PHACTR1: variants seen among roughly 807,000 people sequenced by gnomAD.
The protein encoded by PHACTR1 is RPEL repeat containing 1.
Under a neutral mutation model 69.2 loss-of-function variants are expected in PHACTR1, and 16 were observed. The ratio of observed to expected loss-of-function variants is 0.23; its 90% CI spans 0.16 to 0.35. PHACTR1 has a LOEUF of 0.35. Ranked by LOEUF, PHACTR1 falls within the 10% of genes least tolerant of loss-of-function variation. PHACTR1 has a pLI of 1.00. For synonymous variants in PHACTR1, 312 were observed against 284.5 expected, an observed-to-expected ratio of 1.10 and a Z score of -0.97; for missense variants, 510 against 734.7, an observed-to-expected ratio of 0.69 and a Z score of 3.54.
At position 13,077,863 on chromosome 6, in the gene PHACTR1, G is replaced by A. The variant is rs547904142; in HGVS notation, c.415+24334G>A. On this transcript the variant is annotated intron_variant, in intron 5 of 14. Transcript: ENST00000332995. ...AACAAGACTTGCGAGACAAAATATC[G>A]GGGTGAGGGAGAAGGAGAAATCAAA... is the stretch of plus-strand genomic sequence containing the variant. 1.5e-4 allele frequency among the ~76,000 whole-genome samples: 23 copies of A among 152,236 alleles called. 1 individual carries two copies. In the South Asian group the frequency reaches 4.6e-3, roughly 30 times the overall value.
Position 13,246,137 on chromosome 6 carries a change from A to G in PHACTR1, c.1391+15944A>G, listed in dbSNP as rs1487401380. Among the ~76,000 whole-genome samples the G allele has an allele frequency of 6.6e-6, 1 of 152,242 alleles. No homozygotes were observed. Among genetic ancestry groups the G allele is most frequent in the Non-Finnish European group, 1.5e-5 (1 of 68,038 alleles). On this transcript the variant is annotated intron_variant, in intron 10 of 14. Transcript: ENST00000332995. The surrounding 1 kb of genome is among the most constrained non-coding windows in gnomAD (Gnocchi z 4.2). ...TATCTCTCAAAAAAGAGAGAGAAAT[A>G]GATCATGTTTTACTGGAATAAACAG...
At chr6:12,935,005 C>A (rs1273837292) in intron 4 of PHACTR1, among the ~76,000 whole-genome samples, 1 of 152,176 alleles carries the variant, frequency 6.6e-6, no homozygotes, top group African/African-American at 2.4e-5. Context: ...CTCTGTGCCT[C>A]ACTTTCTCTA....
intron 4 of PHACTR1, among the ~76,000 whole-genome samples, chr6:12,801,773 T>C (rs903772911): frequency 2.0e-4 from 30 of 152,218 alleles, no homozygotes; most frequent in African/African-American, 7.2e-4. Context: ...AATTATTTAA[T>C]ATAGCTTTAT....
chr6:12,797,906 A>G (rs935850815), intron 4 of PHACTR1, among the ~76,000 whole-genome samples: 1 of 152,128 alleles, frequency 6.6e-6, no homozygotes, highest in Non-Finnish European at 1.5e-5. Context: ...TCAAACCACT[A>G]TATTGAAAGT....
intron 4 of PHACTR1, among the ~76,000 whole-genome samples, chr6:12,892,601 A>G (rs1784270940): frequency 6.6e-6 from 1 of 152,236 alleles, no homozygotes; most frequent in African/African-American, 2.4e-5. Context: ...AACTTGAGTT[A>G]ATGGTCAAGC....
At chr6:13,115,329 T>G (rs1042063313) in intron 5 of PHACTR1, among the ~76,000 whole-genome samples, 2 of 152,122 alleles carry the variant, frequency 1.3e-5, no homozygotes, top group African/African-American at 4.8e-5. Flanking sequence ...CACAGTACAT[T>G]CAGGAAGAAC....
rs148358804 is a variant in PHACTR1, at chr6:13,082,249, A to G, written c.415+28720A>G. ...TTCCTTCTCCTCCACTGAGTCACCA[A>G]TGGCTCCAATGGGTATCACTTTGCT... is the stretch of plus-strand genomic sequence containing the variant. On this transcript the variant is annotated intron_variant, in intron 5 of 14. Transcript: ENST00000332995. Among the ~76,000 whole-genome samples the G allele has an allele frequency of 7.8e-4, 119 of 152,152 alleles. 1 individual carries two copies. The East Asian group carries it at 0.019, about 24-fold the overall frequency.
intron 4 of PHACTR1, among the ~76,000 whole-genome samples, chr6:13,012,442 T>G (rs1160629471): frequency 6.6e-6 from 1 of 152,226 alleles, no homozygotes; most frequent in Non-Finnish European, 1.5e-5. Context: ...GTAGTGACAG[T>G]GCATTCTTTA....
At position 12,908,504 on chromosome 6, in the gene PHACTR1, A is replaced by G. The variant is rs114428466; in HGVS notation, c.251-144861A>G. Among the ~76,000 whole-genome samples the G allele has an allele frequency of 3.1e-3, 469 of 152,036 alleles. 4 individuals are homozygous for G. The highest frequency in any genetic ancestry group is 0.011 in the African/African-American group (451 of 41,426). ...AAATGTGCTAAGTGCAGTTGCAGAG[A>G]TTTAAAAAAAAAAAAGGGTGCTGTG... On this transcript the variant is annotated intron_variant, in intron 4 of 14. Coordinates refer to ENST00000332995, the MANE Select transcript of PHACTR1 (RefSeq NM_030948.6).
intron 3 of PHACTR1, among the ~76,000 whole-genome samples, chr6:12,747,924 A>G (rs1220803317): frequency 6.6e-6 from 1 of 152,166 alleles, no homozygotes; most frequent in Non-Finnish European, 1.5e-5. Flanking sequence ...AACACAGAGA[A>G]CTGGCCAACA....
intron 4 of PHACTR1, among the ~76,000 whole-genome samples, chr6:12,850,396 A>G (rs1582084018): frequency 6.6e-6 from 1 of 152,368 alleles, no homozygotes; most frequent in Admixed American, 6.5e-5. Flanking sequence ...AGCCACTGCT[A>G]GTTAATCAAC....
intron 12 of PHACTR1, among the ~76,000 whole-genome samples, chr6:13,281,890 G>T (rs903529105): frequency 2.0e-5 from 3 of 152,196 alleles, no homozygotes; most frequent in Non-Finnish European, 4.4e-5. Flanking sequence ...AGGCCTACAT[G>T]CAGTCTAGGC....
In PHACTR1 at chr6:13,168,737, G is replaced by A. The variant is rs528770635; in HGVS notation, c.496+8453G>A. On this transcript the variant is annotated intron_variant, in intron 6 of 14. Transcript: ENST00000332995. Reference sequence around the variant, plus strand: ...AGAATCATGCTAGAGAAGATAGGAGGGGTAAGGGAATGTTACAAGCTGAAG... The same window carrying A: ...AGAATCATGCTAGAGAAGATAGGAGAGGTAAGGGAATGTTACAAGCTGAAG... Among the ~76,000 whole-genome samples the A allele has an allele frequency of 1.4e-3, 218 of 152,290 alleles. 1 individual carries two copies. The highest frequency in any genetic ancestry group is 2.5e-3 in the Non-Finnish European group (171 of 68,032).
At chr6:13,086,213 G>A (rs1236469001) in intron 5 of PHACTR1, among the ~76,000 whole-genome samples, 1 of 151,360 alleles carries the variant, frequency 6.6e-6, no homozygotes, top group African/African-American at 2.4e-5. Context: ...GTTAAAAAGA[G>A]TTTCTATAAC....
intron 4 of PHACTR1, among the ~76,000 whole-genome samples, chr6:12,797,389 A>G (rs1396064488): frequency 6.6e-6 from 1 of 152,154 alleles, no homozygotes. Context: ...TACATTTGTC[A>G]CTGACTGACC....
chr6:12,941,698 C>T (rs532873266), intron 4 of PHACTR1, among the ~76,000 whole-genome samples: 1 of 152,008 alleles, frequency 6.6e-6, no homozygotes, highest in Admixed American at 6.6e-5. Context: ...TCAGGACAGG[C>T]GAGCCTCGAA....
In PHACTR1 at chr6:13,115,084, C is replaced by T. The variant is rs566175061; in HGVS notation, c.416-45120C>T. Among the ~76,000 whole-genome samples, 46 of 152,290 alleles carry T rather than the reference C, an allele frequency of 3.0e-4. 1 individual carries two copies. The South Asian group carries it at 9.1e-3, about 30-fold the overall frequency. ...TCCAGGACCTGAAATTTTAACTAGG[C>T]TAAACTGCCTCCCAAGTTGGGACCA... On this transcript the variant is annotated intron_variant, in intron 5 of 14. Coordinates refer to ENST00000332995, the MANE Select transcript of PHACTR1 (RefSeq NM_030948.6).
chr6:12,987,986 G>A (rs1009945748), intron 4 of PHACTR1, among the ~76,000 whole-genome samples: 1 of 152,126 alleles, frequency 6.6e-6, no homozygotes, highest in Non-Finnish European at 1.5e-5. Flanking sequence ...TCCTGCTGGG[G>A]CCCCTTGGCA....
chr6:13,161,188 A>G (rs1323059629), intron 6 of PHACTR1, among the ~76,000 whole-genome samples: 1 of 152,140 alleles, frequency 6.6e-6, no homozygotes, highest in Non-Finnish European at 1.5e-5. Context: ...TATGTTGCCC[A>G]GGCTGGTCTC....
Sources: allele counts gnomAD v4.1 joint callset (sites outside exome capture counted in the v4.1 genomes callset), GRCh38; gene constraint gnomAD v4.1.1; non-coding constraint Gnocchi (gnomAD v3.1); transcripts MANE v1.5; gene names NCBI Gene and HGNC (gene_info 2026-07-23, HGNC 2026-07-21).